The following SH3GLB2 variants were observed in gnomAD, a reference collection of about 807,000 sequenced individuals.
SH3GLB2 encodes the protein SH3 domain containing GRB2 like, endophilin B2, also known as endophilin-B2.
In SH3GLB2, 24 loss-of-function variants were observed where a neutral mutation model predicts 48.0. The observed-to-expected ratio is 0.50, with a 90% CI of 0.36 to 0.70. The LOEUF is 0.70. Ranked by LOEUF, SH3GLB2 falls within the 30% of genes least tolerant of loss-of-function variation. SH3GLB2 has a pLI of 0.00. For synonymous variants in SH3GLB2, 227 were observed against 207.6 expected (o/e 1.09, Z -0.80); for missense variants, 425 against 516.0 (o/e 0.82, Z 1.71).
intron 6 of SH3GLB2, 58 bp downstream of exon 6, chr9:129,012,178 G>T: frequency 9.2e-7 from 1 of 1,092,280 alleles, no homozygotes; most frequent in Non-Finnish European, 1.2e-6. Flanking sequence ...AGAGGCAGTG[G>T]TGTGGGACGT....
At position 129,014,602 on chromosome 9, in the gene SH3GLB2, T is replaced by C. The variant is rs1554833709; in HGVS notation, c.469-99A>G. 2.7e-6 allele frequency: 4 copies of C among 1,493,408 alleles called. No individual in the cohort carries two copies. The highest frequency in any genetic ancestry group is 3.7e-6 in the Non-Finnish European group (4 of 1,088,776). 92.5% of individuals were successfully genotyped at this position (1,493,408 alleles called of 1,614,324 possible). ...GGTGCCGGGGACGATCAAGTCAAGA[T>C]AGGGAAACTGAGGCCCAGAGATAGG... On this transcript the variant is annotated intron_variant, in intron 4 of 10. Coordinates refer to ENST00000372564, the MANE Select transcript of SH3GLB2 (RefSeq NM_020145.4). This position sits in a 1 kb window ranked among gnomAD's most constrained non-coding sequence, Gnocchi z 4.1.
In SH3GLB2 at chr9:129,014,394, G is replaced by T; in HGVS notation, c.561+17C>A. ...AGAGCCTGGGCCAGGAGGCCAGCGG[G>T]GAGCGGGGACACCTACCGTGGCTTT... On this transcript the variant is annotated intron_variant, in intron 5 of 10. Transcript: ENST00000372564. This position sits in a 1 kb window ranked among gnomAD's most constrained non-coding sequence, Gnocchi z 4.1. 1 of 1,548,972 alleles carries T rather than the reference G, an allele frequency of 6.5e-7. No homozygotes were observed. The highest frequency in any genetic ancestry group is 8.7e-7 in the Non-Finnish European group (1 of 1,146,554).
chr9:129,022,241 C>A, intron 2 of SH3GLB2, 41 bp downstream of exon 2: 1 of 1,606,344 alleles, frequency 6.2e-7, no homozygotes, highest in Non-Finnish European at 8.5e-7. Context: ...ATCCCTGCCC[C>A]ACGACTACAT....
In SH3GLB2 at chr9:129,014,083, G is replaced by GCAGAGCCGGGGA; in HGVS notation, c.561+316_561+327dup. The GCAGAGCCGGGGA allele has an allele frequency of 1.7e-6, 1 of 573,762 alleles. No homozygotes were observed. The highest frequency in any genetic ancestry group is 3.3e-6 in the Non-Finnish European group (1 of 303,096). 35.5% of individuals were successfully genotyped at this position (573,762 alleles called of 1,614,324 possible). On this transcript the variant is annotated intron_variant, in intron 5 of 10. Coordinates refer to ENST00000372564, the MANE Select transcript of SH3GLB2 (RefSeq NM_020145.4). This position sits in a 1 kb window ranked among gnomAD's most constrained non-coding sequence, Gnocchi z 4.1. The stretch of plus-strand genomic sequence containing the variant: ...GTTAGTAAGAAGGTGCCATGCCCGG[G>GCAGAGCCGGGGA]CAGAGCCGGGGACAGAGCCGAGCAT...
chr9:129,026,839 T>C (rs1431439279), intron 1 of SH3GLB2, among the ~76,000 whole-genome samples: 2 of 152,242 alleles, frequency 1.3e-5, no homozygotes, highest in East Asian at 1.9e-4. Flanking sequence ...GCATCTCCAC[T>C]AGGGCTGGGG....
rs958848418 is a variant in SH3GLB2, at chr9:129,014,079, C to A, written c.561+332G>T. 3.5e-6 allele frequency: 2 copies of A among 564,882 alleles called. No homozygotes were observed. The highest frequency in any genetic ancestry group is 6.7e-6 in the Non-Finnish European group (2 of 297,432). The allele number at this position is 564,882 out of a possible 1,614,324, so 35.0% of individuals were successfully genotyped here. A position where few individuals can be genotyped will look rare whatever the true frequency, so the allele number is the denominator to read the frequency against. On this transcript the variant is annotated intron_variant, in intron 5 of 10. Transcript: ENST00000372564. This position sits in a 1 kb window ranked among gnomAD's most constrained non-coding sequence, Gnocchi z 4.1. ...TAGAGTTAGTAAGAAGGTGCCATGC[C>A]CGGGCAGAGCCGGGGACAGAGCCGA...
intron 1 of SH3GLB2, among the ~76,000 whole-genome samples, chr9:129,024,952 A>T (rs1191842123): frequency 6.6e-6 from 1 of 150,510 alleles, no homozygotes; most frequent in Admixed American, 6.6e-5. Context: ...CCTGGGTGAC[A>T]GAGCGAGACT....
At chr9:129,024,471 G>C (rs1844017490) in intron 1 of SH3GLB2, among the ~76,000 whole-genome samples, 1 of 150,946 alleles carries the variant, frequency 6.6e-6, no homozygotes, top group African/African-American at 2.4e-5. Flanking sequence ...TGAGGCAGGA[G>C]AATGGCATGA....
rs1227570233 is a variant in SH3GLB2 at position 129,028,264 on chromosome 9, G to C, written c.-110C>G. ...ACCTGCTGCGGGGCACCAGCCCTCC[G>C]CGCACCCGCCTGCCGGCCTGCCCGC... On this transcript the variant is annotated 5_prime_UTR_variant, in exon 1 of 11. Coordinates refer to ENST00000372564, the MANE Select transcript of SH3GLB2 (RefSeq NM_020145.4). The C allele has an allele frequency of 1.4e-6, 1 of 691,928 alleles. No homozygotes were observed. The allele number at this position is 691,928 out of a possible 1,614,324, so 42.9% of individuals were successfully genotyped here.
intron 1 of SH3GLB2, among the ~76,000 whole-genome samples, chr9:129,025,357 G>C (rs1844088018): frequency 1.3e-5 from 2 of 151,630 alleles, no homozygotes; most frequent in South Asian, 4.2e-4. Flanking sequence ...GAGCCCAGGA[G>C]TTTGAGACCA....
chr9:129,016,411 A>G (rs1353120711), intron 3 of SH3GLB2, among the ~76,000 whole-genome samples: 2 of 149,820 alleles, frequency 1.3e-5, no homozygotes, highest in East Asian at 4.0e-4. Context: ...CTGTAATCCC[A>G]GCACTTTGGA....
At position 129,014,763 on chromosome 9, in the gene SH3GLB2, G is replaced by A. The variant is rs17508195; in HGVS notation, c.468+8C>T. ...TACCAGGAAGCGGAATAGTCCCAGG[G>A]CCCTCACCGAGATGGTCTTCCAGTC... On this transcript the variant is annotated splice_region_variant and intron_variant, in intron 4 of 10. Coordinates refer to ENST00000372564, the MANE Select transcript of SH3GLB2 (RefSeq NM_020145.4). The surrounding 1 kb of genome is among the most constrained non-coding windows in gnomAD (Gnocchi z 4.1). The A allele has an allele frequency of 6.1e-3, 9,824 of 1,611,728 alleles. 475 individuals are homozygous for A. In the African/African-American group the frequency reaches 0.11, roughly 18 times the overall value.
chr9:129,016,906 A>G (rs1843461285), intron 3 of SH3GLB2, among the ~76,000 whole-genome samples: 1 of 151,960 alleles, frequency 6.6e-6, no homozygotes, highest in African/African-American at 2.4e-5. Context: ...AAAGAGAGAA[A>G]TAAGATAATT....
chr9:129,009,278 G>T lies in SH3GLB2; in HGVS notation c.908C>A (p.Thr303Asn). 6.4e-7 allele frequency: 1 copy of T among 1,566,822 alleles called. No homozygotes were observed. ...CACCACAGGCATAGTGGCCGCAGCA[G>T]TGGTGGGTGAGGTGCTGCTCAGGGG... ...SPPLSSTSPT[T>N]AAATMPVVPS... Residue 303 changes from threonine to asparagine, a missense_variant, in exon 10 of 11, where the codon ACT becomes AAT. Thr to Asn is a moderately conservative substitution (Grantham distance 65). Transcript: ENST00000372564.
At position 129,022,834 on chromosome 9, in the gene SH3GLB2, G is replaced by C. The variant is rs561040214; in HGVS notation, c.64-411C>G. Among the ~76,000 whole-genome samples, 3 of 152,324 alleles carry C rather than the reference G, an allele frequency of 2.0e-5. No homozygotes were observed. The South Asian group carries it at 6.2e-4, about 32-fold the overall frequency. ...ACAAACAGGGCAGGGAGTAGGGTCT[G>C]GGGTTATCAGGGGGCTCCATGGGCA... On this transcript the variant is annotated intron_variant, in intron 1 of 10. Coordinates refer to ENST00000372564, the MANE Select transcript of SH3GLB2 (RefSeq NM_020145.4).
intron 3 of SH3GLB2, among the ~76,000 whole-genome samples, chr9:129,016,762 T>C (rs973271482): frequency 5.3e-5 from 8 of 151,864 alleles, no homozygotes; most frequent in African/African-American, 1.2e-4. Context: ...CCAGACAAAA[T>C]AGACTTTAAC....
intron 3 of SH3GLB2, among the ~76,000 whole-genome samples, chr9:129,016,342 TAAAAAAAAAAAAAAAAA>T (rs57505648): frequency 1.2e-4 from 4 of 34,074 alleles, no homozygotes; most frequent in South Asian, 2.2e-3. Context: ...AGACTGTCTT[TAAAAAAAAAAAAAAAAA>T]AAAAAAAAAA....
intron 8 of SH3GLB2, 115 bp from the exon 9 acceptor site, chr9:129,009,986 C>A: frequency 7.4e-7 from 1 of 1,356,118 alleles, no homozygotes; most frequent in South Asian, 1.3e-5. Flanking sequence ...GTGCCCTGCC[C>A]CTGCGCCCAC....
At chr9:129,008,969 A>T in intron 10 of SH3GLB2, 137 bp downstream of exon 10, 2 of 1,428,900 alleles carry the variant, frequency 1.4e-6, no homozygotes. Flanking sequence ...CTTTCCTCAG[A>T]GCTGGATATG....
Sources: gnomAD v4.1 joint callset for allele counts (sites outside exome capture counted in the v4.1 genomes callset) on GRCh38, gnomAD v4.1.1 for gene constraint, Gnocchi (gnomAD v3.1) non-coding constraint, MANE v1.5 for transcripts, NCBI Gene and HGNC (gene_info 2026-07-23, HGNC 2026-07-21) for gene names.